The following NDC1 variants were observed in gnomAD, a reference collection of about 807,000 sequenced individuals.
NDC1 encodes nucleoporin NDC1.
Under a neutral mutation model 89.8 loss-of-function variants are expected in NDC1, and 24 were observed. The ratio of observed to expected loss-of-function variants is 0.27; its 90% CI spans 0.19 to 0.38. NDC1 has a LOEUF of 0.38. Among genes scored for constraint, NDC1 ranks in the 10% least tolerant of loss-of-function variants. The probability of loss-of-function intolerance (pLI) is 1.00; values close to 1 mark genes in which losing one functional copy is unlikely to be tolerated. For synonymous variants in NDC1, 296 were observed against 284.8 expected, an observed-to-expected ratio of 1.04 and a Z score of -0.39; for missense variants, 728 against 797.6, an observed-to-expected ratio of 0.91 and a Z score of 1.05.
rs145586529 is a variant in NDC1, at chr1:53,825,368, T to C, written c.594+430A>G. Among the ~76,000 whole-genome samples, 313 of 148,978 alleles carry C rather than the reference T, an allele frequency of 2.1e-3. 3 individuals are homozygous for C. Among genetic ancestry groups the C allele is most frequent in the African/African-American group, 7.5e-3 (295 of 39,344 alleles). ...GCATGTGGAGGCTGAGGCAGGAGAA[T>C]TGCTTGAACCCAGGAGGCGGAGGTT... On this transcript the variant is annotated intron_variant, in intron 5 of 17. Coordinates refer to ENST00000371429, the MANE Select transcript of NDC1 (RefSeq NM_018087.5).
intron 6 of NDC1, among the ~76,000 whole-genome samples, chr1:53,818,406 G>A (rs1187363411): frequency 8.0e-5 from 12 of 150,738 alleles, no homozygotes; most frequent in African/African-American, 2.2e-4. Flanking sequence ...GCGCCATTAC[G>A]CTCCAGCCTG....
intron 5 of NDC1, among the ~76,000 whole-genome samples, chr1:53,825,460 A>AAAAAAAAAGAAG (rs1039370528): frequency 7.0e-6 from 1 of 142,116 alleles, no homozygotes; most frequent in Admixed American, 7.0e-5. Flanking sequence ...CTCCAAAAAA[A>AAAAAAAAAGAAG]AAGAAGCTAC....
chr1:53,835,360 T>G, intron 2 of NDC1, 140 bp downstream of exon 2: 1 of 559,234 alleles, frequency 1.8e-6, no homozygotes, highest in Non-Finnish European at 3.0e-6. Flanking sequence ...GGAGACATCT[T>G]AAAATTATCT....
chr1:53,810,132 A>C (rs1648254900), intron 6 of NDC1, among the ~76,000 whole-genome samples: 1 of 152,208 alleles, frequency 6.6e-6, no homozygotes, highest in South Asian at 2.1e-4. Flanking sequence ...CAATTCTCTC[A>C]AAGTCTGTTG....
chr1:53,789,001 A>G, intron 15 of NDC1, 132 bp downstream of exon 15: 1 of 646,712 alleles, frequency 1.5e-6, no homozygotes. Flanking sequence ...GATCTATATA[A>G]AACAAAGATA....
Position 53,823,609 on chromosome 1 carries a change from G to A in NDC1, c.594+2189C>T, listed in dbSNP as rs556546946. Reference sequence around the variant, plus strand: ...CATGGAGGTCCAGCAAGGTATTGTGGGGCATCTCATTTTTCCCTAACACTT... The same window carrying A: ...CATGGAGGTCCAGCAAGGTATTGTGAGGCATCTCATTTTTCCCTAACACTT... On this transcript the variant is annotated intron_variant, in intron 5 of 17. Transcript: ENST00000371429. Among the ~76,000 whole-genome samples the A allele has an allele frequency of 2.0e-5, 3 of 152,030 alleles. No individual in the cohort carries two copies. In the East Asian group the frequency reaches 5.8e-4, roughly 29 times the overall value.
Position 53,825,453 on chromosome 1 carries a change from C to CAAAAAAAA in NDC1, c.594+337_594+344dup, listed in dbSNP as rs369960654. On this transcript the variant is annotated intron_variant, in intron 5 of 17. Coordinates refer to ENST00000371429, the MANE Select transcript of NDC1 (RefSeq NM_018087.5). ...CTGGGCAAAGAAGCGAGACTGTCTC[C>CAAAAAAAA]AAAAAAAAAGAAGCTACACAGAGTA... is the stretch of plus-strand genomic sequence containing the variant. 8.1e-4 allele frequency among the ~76,000 whole-genome samples: 102 copies of CAAAAAAAA among 125,934 alleles called. 1 individual carries two copies. The highest frequency in any genetic ancestry group is 3.1e-3 in the African/African-American group (91 of 29,194). The allele number at this position is 125,934 out of a possible 152,430, so 82.6% of individuals were successfully genotyped here.
chr1:53,781,609 G>A (rs1416051368), intron 16 of NDC1, among the ~76,000 whole-genome samples: 1 of 152,098 alleles, frequency 6.6e-6, no homozygotes, highest in Non-Finnish European at 1.5e-5. Context: ...ATACTGAAAA[G>A]TAAAACAAAA....
chr1:53,815,396 C>T (rs191526116), intron 6 of NDC1, among the ~76,000 whole-genome samples: 5 of 152,178 alleles, frequency 3.3e-5, no homozygotes, highest in African/African-American at 4.8e-5. Flanking sequence ...TCAACAAAAT[C>T]CAGCATTCCT....
At chr1:53,800,211 A>G (rs375401690) in intron 11 of NDC1, among the ~76,000 whole-genome samples, 1 of 152,112 alleles carries the variant, frequency 6.6e-6, no homozygotes, top group African/African-American at 2.4e-5. Flanking sequence ...AATTTTTTCA[A>G]TCTACAATGA....
intron 14 of NDC1, among the ~76,000 whole-genome samples, chr1:53,789,856 C>A (rs1202123517): frequency 2.6e-5 from 4 of 151,364 alleles, no homozygotes; most frequent in Non-Finnish European, 4.4e-5. Flanking sequence ...GTAATCCTAG[C>A]ACTTTGGGAG....
At chr1:53,825,704 G>T in intron 5 of NDC1, 94 bp downstream of exon 5, 1 of 1,038,566 alleles carries the variant, frequency 9.6e-7, no homozygotes, top group Non-Finnish European at 1.4e-6. Flanking sequence ...ATCAAATCTT[G>T]AATGAATCAG....
chr1:53,784,652 G>A (rs1025044600), intron 16 of NDC1, among the ~76,000 whole-genome samples: 3 of 152,194 alleles, frequency 2.0e-5, no homozygotes, highest in Non-Finnish European at 2.9e-5. Context: ...TTAGCTGGGC[G>A]TGGTGGCAGA....
chr1:53,831,363 A>G (rs969744610), intron 3 of NDC1, among the ~76,000 whole-genome samples: 5 of 148,756 alleles, frequency 3.4e-5, no homozygotes, highest in Non-Finnish European at 7.4e-5. Context: ...TGTACATTTA[A>G]AAAATTTTTT....
At chr1:53,833,309 G>A (rs1315901581) in intron 2 of NDC1, among the ~76,000 whole-genome samples, 4 of 151,866 alleles carry the variant, frequency 2.6e-5, no homozygotes, top group Non-Finnish European at 5.9e-5. Context: ...ACAGATGCCC[G>A]CCATGGCTAT....
At chr1:53,774,241 A>C (rs1206489341) in intron 16 of NDC1, among the ~76,000 whole-genome samples, 1 of 152,218 alleles carries the variant, frequency 6.6e-6, no homozygotes, top group Non-Finnish European at 1.5e-5. Flanking sequence ...AATTTCACTG[A>C]ATTTAGTGTT....
intron 6 of NDC1, among the ~76,000 whole-genome samples, chr1:53,814,195 T>C (rs1648402952): frequency 6.6e-6 from 1 of 151,876 alleles, no homozygotes; most frequent in Admixed American, 6.6e-5. Context: ...CTACTAAAAA[T>C]ACAAAAAAAT....
At chr1:53,800,616 C>T (rs550350095) in intron 11 of NDC1, 77 bp downstream of exon 11, 8 of 1,521,148 alleles carry the variant, frequency 5.3e-6, no homozygotes, top group South Asian at 4.6e-5. Flanking sequence ...TGAGCCACAG[C>T]GCCCAGTCTA....
At position 53,767,992 on chromosome 1, in the gene NDC1, T is replaced by G. The variant is rs534511439; in HGVS notation, c.2003A>C (p.Gln668Pro). ...TAACTATTCTTTGAACTCCAAGAACTGTTGAAGTCTTTTCTGATGTTCTGC... is the reference window on the plus strand; with the variant it reads ...TAACTATTCTTTGAACTCCAAGAACGGTTGAAGTCTTTTCTGATGTTCTGC... Reference protein sequence around the residue: ...ASAEHQKRLQQFLEFKE With the variant: ...ASAEHQKRLQPFLEFKE The change falls in exon 18 of 18, where the codon CAG becomes CCG. Residue 668 changes from glutamine (Q) to proline (P), a missense_variant. By Grantham distance (76) the Gln-to-Pro change is moderately conservative. Coordinates refer to ENST00000371429, the MANE Select transcript of NDC1 (RefSeq NM_018087.5). 6.2e-7 allele frequency: 1 copy of G among 1,608,154 alleles called. No individual in the cohort carries two copies. Among genetic ancestry groups the G allele is most frequent in the South Asian group, 1.1e-5 (1 of 90,076 alleles).
Sources: allele counts gnomAD v4.1 joint callset (sites outside exome capture counted in the v4.1 genomes callset), GRCh38; gene constraint gnomAD v4.1.1; transcripts MANE v1.5; gene names NCBI Gene and HGNC (gene_info 2026-07-23, HGNC 2026-07-21).